The following GSE1 variants were observed in gnomAD, a reference collection of about 807,000 sequenced individuals.
GSE1 encodes genetic suppressor element 1.
Under a neutral mutation model 112.6 loss-of-function variants are expected in GSE1, and 32 were observed. That is an observed-to-expected ratio of 0.28 (90% CI 0.21 to 0.38). The LOEUF (loss-of-function observed/expected upper bound fraction) is 0.38. Among genes scored for constraint, GSE1 ranks in the 10% least tolerant of loss-of-function variants. The pLI, the probability that GSE1 is intolerant of heterozygous loss-of-function variation, is 1.00. For missense variants in GSE1, 2,348 were observed against 1,699.2 expected, an observed-to-expected ratio of 1.38 and a Z score of -6.71; for synonymous variants, 1,115 against 735.6, an observed-to-expected ratio of 1.52 and a Z score of -8.35.
In GSE1 at chr16:85,672,710, G is replaced by A. The variant is rs747728586; in HGVS notation, c.*171G>A. Reference sequence around the variant, plus strand: ...AAAAAATGAATGAACTCACCTTGACGTCAATGCAATTGAATCACCGTTGTC... The same window carrying A: ...AAAAAATGAATGAACTCACCTTGACATCAATGCAATTGAATCACCGTTGTC... On this transcript the variant is annotated 3_prime_UTR_variant, in exon 16 of 16. Transcript: ENST00000253458. 8 of 446,624 alleles carry A rather than the reference G, an allele frequency of 1.8e-5. No individual in the cohort carries two copies. The highest frequency in any genetic ancestry group is 4.0e-5 in the African/African-American group (2 of 50,578). 27.7% of individuals were successfully genotyped at this position (446,624 alleles called of 1,614,324 possible). A position where few individuals can be genotyped will look rare whatever the true frequency, so the allele number is the denominator to read the frequency against.
intron 1 of GSE1, among the ~76,000 whole-genome samples, chr16:85,248,227 A>G (rs1597184725): frequency 6.6e-6 from 1 of 151,138 alleles, no homozygotes; most frequent in African/African-American, 2.4e-5. Flanking sequence ...ACAGCTGCCT[A>G]CTCCGCCTCG....
chr16:85,607,140 A>T (rs1238827042), upstream of GSE1, among the ~76,000 whole-genome samples: 3 of 151,490 alleles, frequency 2.0e-5, no homozygotes, highest in Non-Finnish European at 4.4e-5. Flanking sequence ...CCAGCTCTGG[A>T]GCTGGAAGCT....
At position 85,570,185 on chromosome 16, in the gene GSE1, G is replaced by T. The variant is rs540222260; in HGVS notation, c.37+13822G>T. On this transcript the variant is annotated intron_variant, in intron 1 of 2. Transcript: ENST00000635906. ...GGCTGGTTCTGAGGGCCCCTTCCAA[G>T]GTGGGGGGAGTTCTGGATGGGCCTG... 5.9e-5 allele frequency among the ~76,000 whole-genome samples: 9 copies of T among 152,332 alleles called. No individual in the cohort carries two copies. The East Asian group carries it at 1.7e-3, about 29-fold the overall frequency.
Position 85,671,076 on chromosome 16 carries a change from A to G in GSE1, c.3497A>G (p.Glu1166Gly), listed in dbSNP as rs1425565818. ...CACTACAGCCTCAGCCTGACGGCAG[A>G]GCAGCTCTCCCACAGCGTGGCGGTG... is the stretch of plus-strand genomic sequence containing the variant. ...ARHYSLSLTA[E>G]QLSHSVAELR... Residue 1166 changes from glutamate (E) to glycine (G), a missense_variant, in exon 15 of 16, where the codon GAG (glutamate) becomes GGG (glycine). Transcript: ENST00000253458. The G allele has an allele frequency of 6.2e-7, 1 of 1,607,610 alleles. No homozygotes were observed. Among genetic ancestry groups the G allele is most frequent in the African/African-American group, 1.3e-5 (1 of 74,906 alleles).
At chr16:85,392,881 C>T (rs988559777) in intron 2 of GSE1, among the ~76,000 whole-genome samples, 5 of 152,206 alleles carry the variant, frequency 3.3e-5, no homozygotes, top group East Asian at 1.9e-4. Flanking sequence ...GGATGCCCTC[C>T]GAGGTCTCTC....
chr16:85,308,862 C>T (rs950376850), intron 1 of GSE1, among the ~76,000 whole-genome samples: 58 of 148,242 alleles, frequency 3.9e-4, no homozygotes, highest in African/African-American at 1.2e-3. Context: ...AGAAATTCCT[C>T]CCAGCTTGGG....
chr16:85,281,365 C>T (rs1338112605), intron 1 of GSE1, among the ~76,000 whole-genome samples: 1 of 151,944 alleles, frequency 6.6e-6, no homozygotes, highest in Non-Finnish European at 1.5e-5. Context: ...CCAGCAGCTC[C>T]AAGCAGTTCC....
chr16:85,555,925 G>T, upstream of GSE1: 1 of 951,376 alleles, frequency 1.1e-6, no homozygotes, highest in Non-Finnish European at 1.2e-6. Context: ...CCTCTTCCCC[G>T]CCTGCTTCCC....
At chr16:85,304,613 G>GGCC (rs1597345354) in intron 1 of GSE1, among the ~76,000 whole-genome samples, 4 of 131,852 alleles carry the variant, frequency 3.0e-5, no homozygotes, top group Non-Finnish European at 5.0e-5. Flanking sequence ...GGGGGGTGGG[G>GGCC]CATCCCTTTT....
At chr16:85,651,311 G>C (rs534498863) in intron 3 of GSE1, among the ~76,000 whole-genome samples, 67 of 152,032 alleles carry the variant, frequency 4.4e-4, no homozygotes, top group Non-Finnish European at 8.5e-4. Flanking sequence ...CTAGTTCCCA[G>C]GTGTCTGTGC....
chr16:85,276,458 T>C (rs1012868248), intron 1 of GSE1, among the ~76,000 whole-genome samples: 5 of 152,214 alleles, frequency 3.3e-5, no homozygotes, highest in African/African-American at 1.2e-4. Context: ...CTGTGTACAC[T>C]GCCTGCTGCC....
chr16:85,280,826 T>G (rs1307493556), intron 1 of GSE1, among the ~76,000 whole-genome samples: 1 of 152,202 alleles, frequency 6.6e-6, no homozygotes, highest in Non-Finnish European at 1.5e-5. Context: ...GACTCTGTCT[T>G]GTGTTACTGT....
chr16:85,344,456 G>A (rs1477495790), intron 1 of GSE1, among the ~76,000 whole-genome samples: 1 of 152,224 alleles, frequency 6.6e-6, no homozygotes, highest in Non-Finnish European at 1.5e-5. Flanking sequence ...GCTGAGAGCT[G>A]CCCTCCTGAG....
chr16:85,567,614 C>T (rs1034636443), intron 1 of GSE1, among the ~76,000 whole-genome samples: 7 of 152,214 alleles, frequency 4.6e-5, no homozygotes, highest in East Asian at 1.9e-4. Flanking sequence ...GAAAGCTGCA[C>T]GGCCTTTTAG....
At chr16:85,265,337 G>C (rs901177852) in intron 1 of GSE1, among the ~76,000 whole-genome samples, 1 of 152,082 alleles carries the variant, frequency 6.6e-6, no homozygotes, top group African/African-American at 2.4e-5. Flanking sequence ...GGCCACCTCC[G>C]CTGGGTGGAG....
chr16:85,328,337 G>A (rs1436939228), intron 1 of GSE1, among the ~76,000 whole-genome samples: 1 of 152,194 alleles, frequency 6.6e-6, no homozygotes, highest in Non-Finnish European at 1.5e-5. Context: ...CAGCCTGTAG[G>A]GTTCCCCTTC....
chr16:85,240,261 G>T (rs921977695), intron 1 of GSE1, among the ~76,000 whole-genome samples: 3 of 152,208 alleles, frequency 2.0e-5, no homozygotes, highest in Non-Finnish European at 4.4e-5. Context: ...CTCCTCCCCA[G>T]TCATTAGCCC....
At chr16:85,568,497 T>G (rs144280932) in intron 1 of GSE1, among the ~76,000 whole-genome samples, 26 of 152,308 alleles carry the variant, frequency 1.7e-4, no homozygotes, top group African/African-American at 6.3e-4. Context: ...ATGTCTGATT[T>G]TTATGAAACT....
At chr16:85,507,968 C>T (rs2151925819) in intron 2 of GSE1, among the ~76,000 whole-genome samples, 1 of 152,222 alleles carries the variant, frequency 6.6e-6, no homozygotes, top group South Asian at 2.1e-4. Context: ...AGAGTGTGCC[C>T]AGTCCCCCAG....
Sources: allele counts gnomAD v4.1 joint callset (sites outside exome capture counted in the v4.1 genomes callset), GRCh38; gene constraint gnomAD v4.1.1; transcripts MANE v1.5; gene names NCBI Gene and HGNC (gene_info 2026-07-23, HGNC 2026-07-21).